PDILT: variants seen among roughly 807,000 people sequenced by gnomAD.
PDILT encodes protein disulfide isomerase like, testis expressed.
A neutral mutation model predicts 53.7 loss-of-function variants in PDILT; 43 were observed. That is an observed-to-expected ratio of 0.80 (90% CI 0.63 to 1.03). The LOEUF is 1.03. PDILT is among the 50% of genes least tolerant of loss of function. The pLI, the probability that PDILT is intolerant of heterozygous loss-of-function variation, is 0.00. For missense variants in PDILT, 727 were observed against 712.3 expected, an observed-to-expected ratio of 1.02 and a Z score of -0.24; for synonymous variants, 282 against 274.2, an observed-to-expected ratio of 1.03 and a Z score of -0.28.
At chr16:20,369,807 A>T in intron 7 of PDILT, 118 bp from the exon 8 acceptor site, 1 of 996,348 alleles carries the variant, frequency 1.0e-6, no homozygotes, top group Non-Finnish European at 1.5e-6. Context: ...CCTCTGCAAA[A>T]TGTAACAAAG....
At chr16:20,378,339 C>T (rs1793241704) in intron 3 of PDILT, among the ~76,000 whole-genome samples, 1 of 152,174 alleles carries the variant, frequency 6.6e-6, no homozygotes, top group Non-Finnish European at 1.5e-5. Flanking sequence ...CCACTCCCAG[C>T]CTCTACTCCC....
chr16:20,360,088 G>GT (rs1219466532), intron 11 of PDILT, among the ~76,000 whole-genome samples: 1 of 152,210 alleles, frequency 6.6e-6, no homozygotes, highest in Non-Finnish European at 1.5e-5. Context: ...CACACCTGAT[G>GT]TTCTACCAGT....
chr16:20,361,197 T>TC (rs1966095885), intron 10 of PDILT, among the ~76,000 whole-genome samples: 1 of 110,150 alleles, frequency 9.1e-6, no homozygotes, highest in Non-Finnish European at 2.1e-5. Context: ...CCTCTTTTTT[T>TC]TTTTTTTTAT....
chr16:20,386,868 G>T (rs1308389073), intron 2 of PDILT, among the ~76,000 whole-genome samples: 2 of 152,324 alleles, frequency 1.3e-5, no homozygotes, highest in East Asian at 1.9e-4. Flanking sequence ...GAGGGCGGAA[G>T]CTCAGGGCAA....
chr16:20,389,837 G>A (rs750538535), intron 2 of PDILT, among the ~76,000 whole-genome samples: 5 of 152,154 alleles, frequency 3.3e-5, no homozygotes, highest in African/African-American at 7.2e-5. Flanking sequence ...CCAGCACAAG[G>A]AAGTTGAGTC....
chr16:20,403,418 C>T (rs6497481), intron 1 of PDILT, among the ~76,000 whole-genome samples: 140,597 of 152,032 alleles, frequency 0.92, 65,204 homozygotes, highest in East Asian at 0.98. Flanking sequence ...ACCTCCCTAG[C>T]AGCTGGGACT....
Position 20,376,196 on chromosome 16 carries a change from C to A in PDILT, c.415G>T (p.Val139Phe). 1 of 1,614,122 alleles carries A rather than the reference C, an allele frequency of 6.2e-7. No individual in the cohort carries two copies. Among genetic ancestry groups the A allele is most frequent in the Non-Finnish European group, 8.5e-7 (1 of 1,180,008 alleles). ...RSEPISCKGV[V>F]ESAALVVWLR... ...CAAACGACTAAGGCAGCAGATTCAACCACTCCTGGAGAAAGACACAGTCAA... is the reference window on the plus strand; with the variant it reads ...CAAACGACTAAGGCAGCAGATTCAAACACTCCTGGAGAAAGACACAGTCAA... The change falls in exon 4 of 12, where the codon GTT (valine) becomes TTT (phenylalanine). Residue 139 changes from valine to phenylalanine, a missense_variant. By Grantham distance (50) the Val-to-Phe change is conservative. Coordinates refer to ENST00000302451, the MANE Select transcript of PDILT (RefSeq NM_174924.2).
intron 10 of PDILT, 106 bp from the exon 11 acceptor site, chr16:20,360,763 TA>T: frequency 1.3e-6 from 1 of 793,258 alleles, no homozygotes; most frequent in Non-Finnish European, 2.2e-6. Context: ...CAACCCCGGG[TA>T]TGTTATGCAG....
chr16:20,371,691 A>T (rs1268936034), intron 7 of PDILT, among the ~76,000 whole-genome samples: 1 of 152,188 alleles, frequency 6.6e-6, no homozygotes, highest in Non-Finnish European at 1.5e-5. Flanking sequence ...AGCCAAAATA[A>T]ATACCAGGGA....
intron 2 of PDILT, among the ~76,000 whole-genome samples, chr16:20,389,072 A>G (rs954844633): frequency 2.0e-5 from 3 of 152,106 alleles, no homozygotes; most frequent in Non-Finnish European, 2.9e-5. Context: ...TATGGAGACA[A>G]TTCACGTGTA....
At position 20,359,273 on chromosome 16, in the gene PDILT, G is replaced by T; in HGVS notation, c.*46C>A. ...GGAATCAATCCATTCAGAAAATGAT[G>T]CCAGGATCTGGAAAATAAGCATCTT... On this transcript the variant is annotated 3_prime_UTR_variant, in exon 12 of 12. Coordinates refer to ENST00000302451, the MANE Select transcript of PDILT (RefSeq NM_174924.2). 6.3e-7 allele frequency: 1 copy of T among 1,590,364 alleles called. No individual in the cohort carries two copies.
chr16:20,402,290 A>ATCCTTTCTTT (rs112422552), intron 1 of PDILT, among the ~76,000 whole-genome samples: 1 of 149,520 alleles, frequency 6.7e-6, no homozygotes, highest in African/African-American at 2.5e-5. Context: ...AGGAGTGTTG[A>ATCCTTTCTTT]TCTTTTCTTT....
chr16:20,360,097 G>T (rs1248466770), intron 11 of PDILT, among the ~76,000 whole-genome samples: 2 of 152,234 alleles, frequency 1.3e-5, no homozygotes, highest in African/African-American at 4.8e-5. Context: ...TGTTCTACCA[G>T]TTATATGGGA....
chr16:20,400,238 C>T (rs1966720083), intron 1 of PDILT, among the ~76,000 whole-genome samples: 2 of 151,790 alleles, frequency 1.3e-5, no homozygotes, highest in African/African-American at 2.4e-5. Context: ...CCACACCTGG[C>T]TAATTTTTGT....
intron 11 of PDILT, among the ~76,000 whole-genome samples, chr16:20,360,136 A>G (rs1966076200): frequency 6.6e-6 from 1 of 152,186 alleles, no homozygotes; most frequent in Non-Finnish European, 1.5e-5. Flanking sequence ...TAAAGCAAAG[A>G]GTAGTGTCTG....
chr16:20,396,536 G>T (rs1180896227), intron 2 of PDILT, among the ~76,000 whole-genome samples: 2 of 152,180 alleles, frequency 1.3e-5, no homozygotes, highest in Admixed American at 1.3e-4. Context: ...CAAACTTCAA[G>T]CTTCCAGATG....
In PDILT at chr16:20,373,140, A is replaced by C; in HGVS notation, c.682-18T>G. ...ATTTTTCCCTTGTACAAAAGGAGAAACATATTGGAGGACAGTAGCTTTCAT... is the reference window on the plus strand; with the variant it reads ...ATTTTTCCCTTGTACAAAAGGAGAACCATATTGGAGGACAGTAGCTTTCAT... On this transcript the variant is annotated intron_variant, in intron 5 of 11. Transcript: ENST00000302451. The C allele has an allele frequency of 1.3e-6, 2 of 1,593,958 alleles. No individual in the cohort carries two copies. Among genetic ancestry groups the C allele is most frequent in the Non-Finnish European group, 1.7e-6 (2 of 1,161,800 alleles).
At chr16:20,369,788 T>C in intron 7 of PDILT, 99 bp from the exon 8 acceptor site, 2 of 1,214,262 alleles carry the variant, frequency 1.6e-6, no homozygotes, top group Non-Finnish European at 2.4e-6. Flanking sequence ...TGGTGGGGTC[T>C]GTGGAGCACC....
At chr16:20,370,710 G>C (rs1486267117) in intron 7 of PDILT, among the ~76,000 whole-genome samples, 1 of 152,204 alleles carries the variant, frequency 6.6e-6, no homozygotes, top group East Asian at 1.9e-4. Flanking sequence ...CACAGAATGA[G>C]ATAGGAGGTC....
Sources: gnomAD v4.1 joint callset for allele counts (sites outside exome capture counted in the v4.1 genomes callset) on GRCh38, gnomAD v4.1.1 for gene constraint, MANE v1.5 for transcripts, NCBI Gene and HGNC (gene_info 2026-07-23, HGNC 2026-07-21) for gene names.